Variants in GRB10 observed in about 807,000 individuals in gnomAD.
GRB10 encodes growth factor receptor bound protein 10.
A neutral mutation model predicts 80.9 loss-of-function variants in GRB10; 20 were observed. That is an observed-to-expected ratio of 0.25 (90% CI 0.17 to 0.36). GRB10 has a LOEUF of 0.36. GRB10 is among the 10% of genes least tolerant of loss of function. GRB10 has a pLI of 1.00. For missense variants in GRB10, 548 were observed against 747.7 expected (o/e 0.73, Z 3.12); for synonymous variants, 291 against 291.5 (o/e 1.00, Z 0.02).
At chr7:50,605,670 C>A (rs2048400854) in intron 14 of GRB10, among the ~76,000 whole-genome samples, 1 of 152,194 alleles carries the variant, frequency 6.6e-6, no homozygotes, top group Non-Finnish European at 1.5e-5. Flanking sequence ...GCACCCGCAG[C>A]ATTTGGACCA....
chr7:50,679,648 T>A (rs2061344181), intron 5 of GRB10, among the ~76,000 whole-genome samples: 1 of 152,132 alleles, frequency 6.6e-6, no homozygotes, highest in African/African-American at 2.4e-5. Context: ...CCTTCCCCCA[T>A]TTTCATATGG....
At chr7:50,627,729 C>T (rs2053201434) in intron 7 of GRB10, among the ~76,000 whole-genome samples, 1 of 152,194 alleles carries the variant, frequency 6.6e-6, no homozygotes, top group Admixed American at 6.5e-5. Context: ...TGCACCCTTC[C>T]CAGAACACGA....
intron 1 of GRB10, chr7:50,793,039 C>T (rs1409035897): frequency 7.0e-6 from 1 of 143,482 alleles, no homozygotes; most frequent in South Asian, 2.1e-4. Flanking sequence ...CCCGGGGCGC[C>T]GGAGCCCCCG....
chr7:50,669,815 G>T lies in GRB10; in HGVS notation c.411C>A (p.Ala137=). 1 of 1,613,898 alleles carries T rather than the reference G, an allele frequency of 6.2e-7. No individual in the cohort carries two copies. Among genetic ancestry groups the T allele is most frequent in the South Asian group, 1.1e-5 (1 of 90,994 alleles). ...AGAGTTCAGGAAAAGGATTGGGGAT[G>T]GCCGGCAGAGATGAGGTTCTAAACT... ...DQQFRTSSLP[A]IPNPFPELCG... The change falls in exon 7 of 19, where the codon GCC becomes GCA. Residue 137 remains alanine (A), a synonymous_variant. Coordinates refer to ENST00000401949, the MANE Select transcript of GRB10 (RefSeq NM_001350814.2).
chr7:50,661,729 G>C (rs1563335310), intron 7 of GRB10, among the ~76,000 whole-genome samples: 1 of 152,078 alleles, frequency 6.6e-6, no homozygotes. Flanking sequence ...CAACTCACTG[G>C]GGCCTGTGGG....
intron 7 of GRB10, among the ~76,000 whole-genome samples, chr7:50,631,256 C>A (rs1194577266): frequency 1.3e-5 from 2 of 152,182 alleles, no homozygotes; most frequent in Admixed American, 1.3e-4. Context: ...CAAGGCTCAG[C>A]AGTAATCGCC....
intron 12 of GRB10, 121 bp downstream of exon 12, chr7:50,614,649 G>A: frequency 1.3e-6 from 1 of 778,986 alleles, no homozygotes; most frequent in Admixed American, 1.7e-5. Flanking sequence ...GATAAATCCA[G>A]TGTGAAACTA....
chr7:50,602,952 G>A (rs1192282321), intron 17 of GRB10, among the ~76,000 whole-genome samples: 1 of 152,172 alleles, frequency 6.6e-6, no homozygotes, highest in East Asian at 1.9e-4. Context: ...AGAGGAGGAG[G>A]AGGAGAATGT....
chr7:50,602,303 C>T lies in GRB10; in HGVS notation c.1544+1695G>A, dbSNP rs144673845. Among the ~76,000 whole-genome samples the T allele has an allele frequency of 2.2e-3, 341 of 152,276 alleles. 5 individuals carry two copies. Among genetic ancestry groups the T allele is most frequent in the Middle Eastern group, 0.017 (5 of 294 alleles). ...AGGGCTGCTAAAACCATGTGGTGGA[C>T]GGGGACGGTAGCCTTGGTGGGGAGG... On this transcript the variant is annotated intron_variant, in intron 17 of 18. Transcript: ENST00000401949.
At chr7:50,651,560 T>C (rs2058012238) in intron 7 of GRB10, among the ~76,000 whole-genome samples, 1 of 152,222 alleles carries the variant, frequency 6.6e-6, no homozygotes, top group Admixed American at 6.5e-5. Flanking sequence ...CACATAAAGC[T>C]ACATTCTGAG....
chr7:50,762,575 C>T (rs2075879328), intron 2 of GRB10, among the ~76,000 whole-genome samples: 1 of 152,104 alleles, frequency 6.6e-6, no homozygotes, highest in East Asian at 1.9e-4. Context: ...AATGATGACA[C>T]ATAAATTAAA....
intron 5 of GRB10, among the ~76,000 whole-genome samples, chr7:50,678,839 G>A (rs749896357): frequency 6.6e-6 from 1 of 152,180 alleles, no homozygotes; most frequent in Non-Finnish European, 1.5e-5. Flanking sequence ...AATCCAAGTG[G>A]ATCAATAATC....
In GRB10 at chr7:50,618,928, C is replaced by G. The variant is rs146492221; in HGVS notation, c.777+242G>C. On this transcript the variant is annotated intron_variant, in intron 9 of 18. Transcript: ENST00000401949. ...CAGCTCCTGTCTTAGAGACTAACCCCCTTTACACTGTGTCTATGTGAAGAA... is the reference window on the plus strand; with the variant it reads ...CAGCTCCTGTCTTAGAGACTAACCCGCTTTACACTGTGTCTATGTGAAGAA... 1.1e-3 allele frequency among the ~76,000 whole-genome samples: 166 copies of G among 152,308 alleles called. 1 individual carries two copies. In the East Asian group the frequency reaches 0.031, roughly 28 times the overall value.
chr7:50,751,227 A>C (rs1161466043), intron 3 of GRB10, among the ~76,000 whole-genome samples: 1 of 152,198 alleles, frequency 6.6e-6, no homozygotes, highest in Non-Finnish European at 1.5e-5. Context: ...CTCAGCAGGA[A>C]GAAATCCAAT....
chr7:50,734,532 T>C (rs1464283869), intron 3 of GRB10, among the ~76,000 whole-genome samples: 3 of 152,206 alleles, frequency 2.0e-5, no homozygotes, highest in Non-Finnish European at 4.4e-5. Flanking sequence ...GGAGACTCAC[T>C]GGCCCTCACT....
intron 5 of GRB10, among the ~76,000 whole-genome samples, chr7:50,688,838 G>A (rs2062425029): frequency 6.6e-6 from 1 of 152,146 alleles, no homozygotes; most frequent in Admixed American, 6.5e-5. Context: ...GGGAGAAACC[G>A]AACTGTCGGC....
chr7:50,693,895 G>A (rs532496637), intron 5 of GRB10, among the ~76,000 whole-genome samples: 1 of 152,114 alleles, frequency 6.6e-6, no homozygotes, highest in South Asian at 2.1e-4. Flanking sequence ...GAGAAAGGGA[G>A]ACCCAAGCAG....
At chr7:50,713,349 T>TC in intron 4 of GRB10, among the ~76,000 whole-genome samples, 1 of 151,062 alleles carries the variant, frequency 6.6e-6, no homozygotes, top group South Asian at 2.1e-4. Context: ...TCCTTCCATC[T>TC]CCATCACTTC....
chr7:50,759,775 G>C (rs2075548311), intron 2 of GRB10, among the ~76,000 whole-genome samples: 1 of 152,108 alleles, frequency 6.6e-6, no homozygotes, highest in Non-Finnish European at 1.5e-5. Flanking sequence ...TCAGCTGCCA[G>C]GGACCCAGTC....
Sources: allele counts gnomAD v4.1 joint callset (sites outside exome capture counted in the v4.1 genomes callset), GRCh38; gene constraint gnomAD v4.1.1; transcripts MANE v1.5; gene names NCBI Gene and HGNC (gene_info 2026-07-23, HGNC 2026-07-21).